XYLB: variants seen among roughly 807,000 people sequenced by gnomAD.
XYLB encodes the protein xylulose kinase.
XYLB carries 62 observed loss-of-function variants against 78.7 expected under a neutral mutation model. The ratio of observed to expected loss-of-function variants is 0.79; its 90% CI spans 0.64 to 0.97. The LOEUF (loss-of-function observed/expected upper bound fraction) is 0.97. Ranked by LOEUF, XYLB falls within the 50% of genes least tolerant of loss-of-function variation. XYLB has a pLI of 0.00. For missense variants in XYLB, 687 were observed against 676.8 expected (o/e 1.02, Z -0.17); for synonymous variants, 245 against 247.4 (o/e 0.99, Z 0.09).
At chr3:38,442,445 C>T in the XYLB span, among the ~76,000 whole-genome samples, 4 of 152,112 alleles carry the variant, frequency 2.6e-5, no homozygotes, top group Admixed American at 6.6e-5. Context: ...GGGGCAAGAC[C>T]GTCCACATAA....
chr3:38,435,235 A>AAAAGAT, the XYLB span, among the ~76,000 whole-genome samples: 1 of 152,210 alleles, frequency 6.6e-6, no homozygotes, highest in East Asian at 1.9e-4. Flanking sequence ...AAGAAATGGA[A>AAAAGAT]AAAGATATTC....
intron 8 of XYLB, among the ~76,000 whole-genome samples, chr3:38,369,851 A>G (rs966228792): frequency 1.3e-5 from 2 of 151,958 alleles, no homozygotes; most frequent in Non-Finnish European, 2.9e-5. Context: ...TATTTGGAGG[A>G]GGTGTGGTGC....
chr3:38,388,709 CA>C, intron 15 of XYLB, among the ~76,000 whole-genome samples: 1 of 152,086 alleles, frequency 6.6e-6, no homozygotes, highest in Non-Finnish European at 1.5e-5. Flanking sequence ...GTTATATCCA[CA>C]ACATGATCTA....
In XYLB at chr3:38,412,947, C is replaced by T; in HGVS notation, c.1545C>T (p.Ala515=). The T allele has an allele frequency of 2.5e-6, 4 of 1,602,128 alleles. No individual in the cohort carries two copies. The highest frequency in any genetic ancestry group is 3.4e-6 in the Non-Finnish European group (4 of 1,174,978). The change falls in exon 19 of 19, where the codon GCC becomes GCT. Residue 515 remains alanine (A), a synonymous_variant. Transcript: ENST00000207870. ...TTCTGCCCTTCTAGGTCTACGAGGC[C>T]CTTCTCCCCCAGTATGCCAAACTCG... ...PSPGASQVYE[A]LLPQYAKLEQ...
intron 2 of XYLB, among the ~76,000 whole-genome samples, chr3:38,358,163 G>A (rs1575459767): frequency 1.9e-5 from 2 of 103,620 alleles, no homozygotes; most frequent in African/African-American, 6.5e-5. Context: ...TTCTTTTCAG[G>A]TGCTCTAGAA....
chr3:38,410,904 G>C (rs1473919679), intron 18 of XYLB, among the ~76,000 whole-genome samples: 1 of 151,978 alleles, frequency 6.6e-6, no homozygotes, highest in Non-Finnish European at 1.5e-5. Flanking sequence ...AGGATGTGGA[G>C]AAATAGGAAC....
intron 18 of XYLB, among the ~76,000 whole-genome samples, chr3:38,407,141 G>A (rs1404418540): frequency 2.7e-5 from 4 of 146,648 alleles, no homozygotes; most frequent in African/African-American, 5.1e-5. Context: ...GAGAAAGGTC[G>A]GGTTACCCAC....
chr3:38,389,198 C>T (rs1379959039), intron 15 of XYLB, among the ~76,000 whole-genome samples: 3 of 145,878 alleles, frequency 2.1e-5, no homozygotes, highest in Non-Finnish European at 4.5e-5. Context: ...CATCTTGCAC[C>T]GCCCTTAATC....
chr3:38,387,887 A>G (rs531989645), intron 15 of XYLB, among the ~76,000 whole-genome samples: 1 of 152,084 alleles, frequency 6.6e-6, no homozygotes, highest in South Asian at 2.1e-4. Context: ...TATCATCTTT[A>G]TAATTATTAT....
intron 14 of XYLB, among the ~76,000 whole-genome samples, chr3:38,378,078 G>T (rs975864552): frequency 6.6e-6 from 1 of 152,226 alleles, no homozygotes; most frequent in African/African-American, 2.4e-5. Context: ...TCTGGAAACT[G>T]TAACTGTCAG....
intron 11 of XYLB, 42 bp from the exon 12 acceptor site, chr3:38,375,102 G>T: frequency 6.5e-7 from 1 of 1,545,560 alleles, no homozygotes; most frequent in East Asian, 2.3e-5. Context: ...CAGCGTGTGT[G>T]GGCAAAGCCC....
At chr3:38,373,651 A>T (rs7625693) in intron 10 of XYLB, among the ~76,000 whole-genome samples, 4,821 of 152,188 alleles carry the variant, frequency 0.032, 239 homozygotes, top group African/African-American at 0.11. Flanking sequence ...TTGTTATAGG[A>T]TAAGTTCTCA....
At chr3:38,427,229 G>T in the XYLB span, among the ~76,000 whole-genome samples, 1 of 152,084 alleles carries the variant, frequency 6.6e-6, no homozygotes, top group African/African-American at 2.4e-5. Flanking sequence ...CGCTTCGTTA[G>T]GTCTCCATGA....
intron 2 of XYLB, among the ~76,000 whole-genome samples, chr3:38,355,395 A>G (rs1415469483): frequency 1.3e-5 from 2 of 152,226 alleles, no homozygotes; most frequent in Non-Finnish European, 2.9e-5. Flanking sequence ...AGCAAGTAGA[A>G]TTGTGAGCTT....
intron 2 of XYLB, among the ~76,000 whole-genome samples, chr3:38,353,508 AC>A (rs1308913276): frequency 6.6e-6 from 1 of 151,422 alleles, no homozygotes; most frequent in East Asian, 2.0e-4. Context: ...ATGGGGTCTC[AC>A]TCTGTTGCCC....
rs1448392279 is a variant in XYLB, at chr3:38,379,325, G to C, written c.1274G>C (p.Gly425Ala). Residue 425 changes from glycine (G) to alanine (A), a missense_variant, in exon 15 of 19, where the codon GGC (glycine) becomes GCC (alanine). Gly to Ala is a moderately conservative substitution (Grantham distance 60, BLOSUM62 0). Coordinates refer to ENST00000207870, the MANE Select transcript of XYLB (RefSeq NM_005108.4). ...QFMAKRIHAE[G>A]LGYRVMSKTK... ...ATGGCCAAGAGGATTCACGCAGAAG[G>C]CCTGGGCTATCGAGTCAGTAAGTGA... The C allele has an allele frequency of 1.9e-6, 3 of 1,614,002 alleles. No homozygotes were observed. Among genetic ancestry groups the C allele is most frequent in the Admixed American group, 1.7e-5 (1 of 60,004 alleles).
chr3:38,414,159 G>A lies in XYLB; in HGVS notation c.*1146G>A, dbSNP rs13074160. On this transcript the variant is annotated 3_prime_UTR_variant, in exon 19 of 19. Transcript: ENST00000207870. ...CAGGACTCCAGCTAAATCAAAATAC[G>A]CATGTTCTCACCCAGAGTGACAAAA... The A allele has an allele frequency of 1.1e-4, 17 of 152,070 alleles. No individual in the cohort carries two copies. Among genetic ancestry groups the A allele is most frequent in the African/African-American group, 3.9e-4 (16 of 41,468 alleles). The allele number at this position is 152,070 out of a possible 1,614,324, so 9.4% of individuals were successfully genotyped here.
chr3:38,395,694 C>A, intron 16 of XYLB, 131 bp downstream of exon 16: 3 of 917,048 alleles, frequency 3.3e-6, no homozygotes, highest in Non-Finnish European at 3.5e-6. Context: ...GCTCACACTC[C>A]AGGAAGCAGC....
chr3:38,441,292 C>T, the XYLB span, among the ~76,000 whole-genome samples: 1 of 152,238 alleles, frequency 6.6e-6, no homozygotes, highest in Admixed American at 6.5e-5. Flanking sequence ...AGTTCTAAGG[C>T]TCACGTAAGT....
Sources: gnomAD v4.1 joint callset for allele counts (sites outside exome capture counted in the v4.1 genomes callset) on GRCh38, gnomAD v4.1.1 for gene constraint, MANE v1.5 for transcripts, NCBI Gene and HGNC (gene_info 2026-07-23, HGNC 2026-07-21) for gene names.